Variants in VAMP4 observed in about 807,000 individuals in gnomAD.
VAMP4 encodes vesicle associated membrane protein 4.
A neutral mutation model predicts 23.5 loss-of-function variants in VAMP4; 19 were observed. The ratio of observed to expected loss-of-function variants is 0.81; its 90% CI spans 0.56 to 1.19. The LOEUF is 1.19. Among genes scored for constraint, VAMP4 ranks in the 50% most tolerant of loss-of-function variants. VAMP4 has a pLI of 0.00. For synonymous variants in VAMP4, 31 were observed against 51.0 expected (o/e 0.61, Z 1.67); for missense variants, 145 against 168.6 (o/e 0.86, Z 0.78).
chr1:171,708,872 CAAAG>C (rs1216120269), intron 6 of VAMP4, among the ~76,000 whole-genome samples: 14 of 51,074 alleles, frequency 2.7e-4, no homozygotes, highest in Admixed American at 1.2e-3. Context: ...AACTCTATCT[CAAAG>C]AAAAAAAAAA....
intron 3 of VAMP4, among the ~76,000 whole-genome samples, chr1:171,724,405 T>C (rs1159260688): frequency 6.6e-6 from 1 of 151,992 alleles, no homozygotes; most frequent in Non-Finnish European, 1.5e-5. Flanking sequence ...CACACCAACA[T>C]GGCACATGCA....
At chr1:171,707,447 G>A (rs903721044) in intron 6 of VAMP4, among the ~76,000 whole-genome samples, 1 of 152,014 alleles carries the variant, frequency 6.6e-6, no homozygotes, top group African/African-American at 2.4e-5. Context: ...CCAACTGCAC[G>A]ACATCCCCCT....
Position 171,709,592 on chromosome 1 carries a change from C to T in VAMP4, c.345+73G>A, listed in dbSNP as rs1326691010. The T allele has an allele frequency of 2.1e-6, 3 of 1,406,650 alleles. No individual in the cohort carries two copies. In the African/African-American group the frequency reaches 4.3e-5, roughly 20 times the overall value. 87.1% of individuals were successfully genotyped at this position (1,406,650 alleles called of 1,614,324 possible). ...CTCACAGAGGTTATGCTCTAGAGGC[C>T]CTTTTTTCTTCATGTGTTTGAATAC... On this transcript the variant is annotated intron_variant, in intron 6 of 7. Transcript: ENST00000236192.
At chr1:171,721,609 AACAG>A (rs1230447670) in intron 3 of VAMP4, among the ~76,000 whole-genome samples, 1 of 152,186 alleles carries the variant, frequency 6.6e-6, no homozygotes, top group African/African-American at 2.4e-5. Context: ...ATACACCAAT[AACAG>A]ACAAACAGAA....
intron 4 of VAMP4, among the ~76,000 whole-genome samples, chr1:171,715,219 G>T (rs763225): frequency 0.35 from 53,236 of 152,056 alleles, 9,754 homozygotes; most frequent in African/African-American, 0.47. Context: ...AGAACGCAAA[G>T]GAAAAGCTAG....
chr1:171,703,405 G>GTA lies in VAMP4; in HGVS notation c.*1100_*1101insTA. ...ATCATATGTGTGCGTGTGTGTGTGT[G>GTA]TGTGTGTGTGTGTTTGTGTGTATAT... On this transcript the variant is annotated 3_prime_UTR_variant, in exon 8 of 8. Transcript: ENST00000236192. 1 of 102,910 alleles carries GTA rather than the reference G, an allele frequency of 9.7e-6. No individual in the cohort carries two copies. Among genetic ancestry groups the GTA allele is most frequent in the African/African-American group, 3.8e-5 (1 of 26,394 alleles). 6.4% of individuals were successfully genotyped at this position (102,910 alleles called of 1,614,324 possible).
intron 4 of VAMP4, 105 bp from the exon 5 acceptor site, chr1:171,710,919 T>A: frequency 1.3e-6 from 1 of 766,576 alleles, no homozygotes; most frequent in Non-Finnish European, 2.0e-6. Flanking sequence ...CTCAGAGAAT[T>A]ATTCAACTAT....
At chr1:171,726,793 GA>G (rs535207906) in intron 3 of VAMP4, among the ~76,000 whole-genome samples, 2 of 151,286 alleles carry the variant, frequency 1.3e-5, no homozygotes, top group Admixed American at 6.6e-5. Context: ...AAAACAATAG[GA>G]AAAAAAATTC....
In VAMP4 at chr1:171,708,040, C is replaced by T. The variant is rs1278477548; in HGVS notation, c.346-1622G>A. Among the ~76,000 whole-genome samples the T allele has an allele frequency of 2.6e-5, 4 of 152,116 alleles. No individual in the cohort carries two copies. The East Asian group carries it at 7.7e-4, about 29-fold the overall frequency. ...TTAGGCAAAGTGTGGTGGCTCATGC[C>T]TGTAATCCAGCACTTTGGGAGGCTG... On this transcript the variant is annotated intron_variant, in intron 6 of 7. Coordinates refer to ENST00000236192, the MANE Select transcript of VAMP4 (RefSeq NM_003762.5).
chr1:171,716,689 A>G (rs1655030628), intron 4 of VAMP4, among the ~76,000 whole-genome samples: 1 of 152,222 alleles, frequency 6.6e-6, no homozygotes, highest in Non-Finnish European at 1.5e-5. Flanking sequence ...AAATGTTATA[A>G]ATTAAGTGGT....
intron 3 of VAMP4, among the ~76,000 whole-genome samples, chr1:171,724,349 G>A (rs1655297740): frequency 6.6e-6 from 1 of 150,806 alleles, no homozygotes; most frequent in Non-Finnish European, 1.5e-5. Context: ...AGGAGGGATA[G>A]CATTAGGAGA....
At chr1:171,722,910 T>C (rs1406024802) in intron 3 of VAMP4, among the ~76,000 whole-genome samples, 2 of 104,392 alleles carry the variant, frequency 1.9e-5, no homozygotes, top group Admixed American at 9.2e-5. Context: ...ACTGGGCATA[T>C]ACCCAAAGGA....
chr1:171,707,331 A>G (rs760750089), intron 6 of VAMP4, among the ~76,000 whole-genome samples: 1 of 152,206 alleles, frequency 6.6e-6, no homozygotes, highest in Non-Finnish European at 1.5e-5. Context: ...TACTTTTGAT[A>G]GGTTTTGACA....
chr1:171,716,915 CTA>C (rs770184633), intron 4 of VAMP4, among the ~76,000 whole-genome samples: 2 of 152,140 alleles, frequency 1.3e-5, no homozygotes, highest in Non-Finnish European at 2.9e-5. Context: ...GCTTTCAGCT[CTA>C]GAGTAAAAAA....
chr1:171,703,711 G>C lies in VAMP4; in HGVS notation c.*795C>G, dbSNP rs1167691366. 6.6e-6 allele frequency: 1 copy of C among 151,862 alleles called. No homozygotes were observed. The highest frequency in any genetic ancestry group is 2.4e-5 in the African/African-American group (1 of 41,264). 9.4% of individuals were successfully genotyped at this position (151,862 alleles called of 1,614,324 possible). On this transcript the variant is annotated 3_prime_UTR_variant, in exon 8 of 8. Transcript: ENST00000236192. ...TGTAAATTTCATTTACTCACATTAG[G>C]ACTGACTGGTCTCTCTTTATTGGAG...
intron 3 of VAMP4, among the ~76,000 whole-genome samples, chr1:171,722,166 A>G (rs1427935614): frequency 5.3e-5 from 8 of 152,134 alleles, no homozygotes; most frequent in Non-Finnish European, 8.8e-5. Context: ...AGGAATCCCT[A>G]TTTAATAAAT....
chr1:171,703,387 G>A lies in VAMP4; in HGVS notation c.*1119C>T, dbSNP rs1220348439. The A allele has an allele frequency of 8.3e-6, 1 of 120,608 alleles. No homozygotes were observed. Among genetic ancestry groups the A allele is most frequent in the African/African-American group, 3.1e-5 (1 of 32,322 alleles). The allele number at this position is 120,608 out of a possible 1,614,324, so 7.5% of individuals were successfully genotyped here. ...GTTACCGACTGACTGATTATCATATGTGTGCGTGTGTGTGTGTGTGTGTGT... is the reference window on the plus strand; with the variant it reads ...GTTACCGACTGACTGATTATCATATATGTGCGTGTGTGTGTGTGTGTGTGT... On this transcript the variant is annotated 3_prime_UTR_variant, in exon 8 of 8. Coordinates refer to ENST00000236192, the MANE Select transcript of VAMP4 (RefSeq NM_003762.5).
intron 6 of VAMP4, 91 bp downstream of exon 6, chr1:171,709,574 A>C (rs1654777309): frequency 8.7e-7 from 1 of 1,143,912 alleles, no homozygotes; most frequent in Admixed American, 1.8e-5. Context: ...GTTCTCACAG[A>C]GGTTATGCTC....
At chr1:171,717,105 CT>C (rs1655044247) in intron 4 of VAMP4, among the ~76,000 whole-genome samples, 1 of 152,102 alleles carries the variant, frequency 6.6e-6, no homozygotes, top group African/African-American at 2.4e-5. Flanking sequence ...GGGGATTCAG[CT>C]GGAAAATCAT....
Sources: allele counts gnomAD v4.1 joint callset (sites outside exome capture counted in the v4.1 genomes callset), GRCh38; gene constraint gnomAD v4.1.1; transcripts MANE v1.5; gene names NCBI Gene and HGNC (gene_info 2026-07-23, HGNC 2026-07-21).